The following KCNJ6 variants were observed in gnomAD, a reference collection of about 807,000 sequenced individuals.
The protein encoded by KCNJ6 is potassium inwardly rectifying channel subfamily J member 6.
In KCNJ6, 9 loss-of-function variants were observed where a neutral mutation model predicts 34.2. The observed-to-expected ratio is 0.26, with a 90% confidence interval of 0.16 to 0.46. The LOEUF (loss-of-function observed/expected upper bound fraction) is 0.46. Ranked by LOEUF, KCNJ6 falls within the 20% of genes least tolerant of loss-of-function variation. The pLI, the probability that KCNJ6 is intolerant of heterozygous loss-of-function variation, is 1.00. For missense variants in KCNJ6, 236 were observed against 531.3 expected, an observed-to-expected ratio of 0.44 and a Z score of 5.46; for synonymous variants, 196 against 207.1, an observed-to-expected ratio of 0.95 and a Z score of 0.46.
In KCNJ6 at chr21:37,756,263, C is replaced by G. The variant is rs540362329; in HGVS notation, c.26-41132G>C. 3.3e-5 allele frequency among the ~76,000 whole-genome samples: 5 copies of G among 152,334 alleles called. No homozygotes were observed. The East Asian group carries it at 9.6e-4, about 29-fold the overall frequency. ...GATGCAAATAAAAGAAATAATACCA[C>G]AGATGACCATTCATTCCATGTCAGA... On this transcript the variant is annotated intron_variant, in intron 2 of 3. Transcript: ENST00000609713.
At chr21:37,912,362 T>C (rs753153373) in intron 1 of KCNJ6, among the ~76,000 whole-genome samples, 11 of 152,228 alleles carry the variant, frequency 7.2e-5, no homozygotes, top group Non-Finnish European at 1.3e-4. Context: ...TATGTGAGCA[T>C]GGAAACTACC....
intron 2 of KCNJ6, among the ~76,000 whole-genome samples, chr21:37,797,151 C>G (rs1406365869): frequency 6.6e-6 from 1 of 151,982 alleles, no homozygotes; most frequent in Non-Finnish European, 1.5e-5. Flanking sequence ...CACCTCTCTG[C>G]CCCCTGGGTT....
At chr21:37,896,903 C>T (rs570510010) in intron 1 of KCNJ6, among the ~76,000 whole-genome samples, 1 of 152,286 alleles carries the variant, frequency 6.6e-6, no homozygotes, top group Non-Finnish European at 1.5e-5. Context: ...GGCACCTGAG[C>T]TTCAAAAAGG....
intron 3 of KCNJ6, among the ~76,000 whole-genome samples, chr21:37,644,546 T>C (rs924347689): frequency 2.0e-5 from 3 of 152,126 alleles, no homozygotes; most frequent in Non-Finnish European, 2.9e-5. Flanking sequence ...TGGAAGGAAA[T>C]AGAACGTGTA....
At position 37,812,833 on chromosome 21, in the gene KCNJ6, C is replaced by G. The variant is rs566375947; in HGVS notation, c.25+27825G>C. Among the ~76,000 whole-genome samples, 3 of 152,260 alleles carry G rather than the reference C, an allele frequency of 2.0e-5. No individual in the cohort carries two copies. The South Asian group carries it at 6.2e-4, about 32-fold the overall frequency. ...ATACTGAATGAAGAAAAACTGAAAG[C>G]CTTTCCTCTAAGATCCGGAACAAGA... On this transcript the variant is annotated intron_variant, in intron 2 of 3. Transcript: ENST00000609713.
chr21:37,911,368 C>T (rs1035287680), intron 1 of KCNJ6, among the ~76,000 whole-genome samples: 2 of 152,066 alleles, frequency 1.3e-5, no homozygotes, highest in African/African-American at 4.8e-5. Flanking sequence ...GCCAATTTCC[C>T]CCTTACTGGT....
At position 37,760,479 on chromosome 21, in the gene KCNJ6, G is replaced by A. The variant is rs748736605; in HGVS notation, c.26-45348C>T. Among the ~76,000 whole-genome samples the A allele has an allele frequency of 2.0e-4, 30 of 152,102 alleles. 1 individual carries two copies. Among genetic ancestry groups the A allele is most frequent in the Non-Finnish European group, 3.7e-4 (25 of 68,018 alleles). ...AGTGTCATTTTTCCTGTGAAGCCCCGATTAGGTGGTGGGCAGGCACAGGAT... is the reference window on the plus strand; with the variant it reads ...AGTGTCATTTTTCCTGTGAAGCCCCAATTAGGTGGTGGGCAGGCACAGGAT... On this transcript the variant is annotated intron_variant, in intron 2 of 3. Coordinates refer to ENST00000609713, the MANE Select transcript of KCNJ6 (RefSeq NM_002240.5).
chr21:37,741,631 C>G (rs1356354723), intron 2 of KCNJ6, among the ~76,000 whole-genome samples: 1 of 152,202 alleles, frequency 6.6e-6, no homozygotes, highest in Non-Finnish European at 1.5e-5. Flanking sequence ...TTCTAAGCAT[C>G]CTCATCACCT....
chr21:37,784,215 C>A (rs148317569), intron 2 of KCNJ6, among the ~76,000 whole-genome samples: 1 of 152,150 alleles, frequency 6.6e-6, no homozygotes, highest in Non-Finnish European at 1.5e-5. Flanking sequence ...AATAGGGCAC[C>A]GATTTTTCCA....
intron 2 of KCNJ6, among the ~76,000 whole-genome samples, chr21:37,835,167 G>C (rs1328098454): frequency 3.9e-5 from 6 of 152,208 alleles, no homozygotes; most frequent in Non-Finnish European, 7.3e-5. Flanking sequence ...GACAGCCACA[G>C]GTAGCTCAGG....
intron 3 of KCNJ6, among the ~76,000 whole-genome samples, chr21:37,681,681 T>TA (rs2054591256): frequency 6.6e-6 from 1 of 152,222 alleles, no homozygotes. Context: ...TGAGTGACTT[T>TA]AAAAATCTTT....
At chr21:37,635,328 TC>T (rs2054352631) in intron 3 of KCNJ6, among the ~76,000 whole-genome samples, 1 of 151,712 alleles carries the variant, frequency 6.6e-6, no homozygotes, top group African/African-American at 2.4e-5. Flanking sequence ...AAGAGATCCT[TC>T]CCCCAAGCCT....
In KCNJ6 at chr21:37,618,638, G is replaced by A. The variant is rs181838169; in HGVS notation, c.*6521C>T. On this transcript the variant is annotated 3_prime_UTR_variant, in exon 4 of 4. Transcript: ENST00000609713. ...ATTTCATTCTCTGAAATCAAGATCTGTTTACTATGTGGCCACAATTCTCCG... is the reference window on the plus strand; with the variant it reads ...ATTTCATTCTCTGAAATCAAGATCTATTTACTATGTGGCCACAATTCTCCG... 96 of 152,256 alleles carry A rather than the reference G, an allele frequency of 6.3e-4. No individual in the cohort carries two copies. The highest frequency in any genetic ancestry group is 2.3e-3 in the African/African-American group (95 of 41,554). The allele number at this position is 152,256 out of a possible 1,614,324, so 9.4% of individuals were successfully genotyped here.
intron 2 of KCNJ6, among the ~76,000 whole-genome samples, chr21:37,839,927 T>C (rs987898670): frequency 1.3e-5 from 2 of 152,134 alleles, no homozygotes; most frequent in African/African-American, 4.8e-5. Flanking sequence ...CGAATAGCCA[T>C]AATAGGGATT....
rs548203836 is a variant in KCNJ6, at chr21:37,764,667, C to T, written c.26-49536G>A. Among the ~76,000 whole-genome samples, 119 of 152,316 alleles carry T rather than the reference C, an allele frequency of 7.8e-4. 1 individual carries two copies. Among genetic ancestry groups the T allele is most frequent in the Non-Finnish European group, 1.3e-3 (89 of 68,030 alleles). On this transcript the variant is annotated intron_variant, in intron 2 of 3. Coordinates refer to ENST00000609713, the MANE Select transcript of KCNJ6 (RefSeq NM_002240.5). ...TGCCGGGATTACAGGTGTAAGCCAC[C>T]GAGCTTGGCCAGAAATTTACTTTTT...
chr21:37,629,316 CTGTT>C (rs1046848922), intron 3 of KCNJ6, among the ~76,000 whole-genome samples: 1 of 151,756 alleles, frequency 6.6e-6, no homozygotes, highest in African/African-American at 2.4e-5. Context: ...TGTGGTGGGT[CTGTT>C]TGTTGGGGGA....
At chr21:37,642,842 C>A (rs187011905) in intron 3 of KCNJ6, among the ~76,000 whole-genome samples, 13 of 152,202 alleles carry the variant, frequency 8.5e-5, no homozygotes, top group African/African-American at 3.1e-4. Context: ...AAAAAAGATA[C>A]TTATAACTAA....
At position 37,619,825 on chromosome 21, in the gene KCNJ6, G is replaced by A. The variant is rs2054284683; in HGVS notation, c.*5334C>T. On this transcript the variant is annotated 3_prime_UTR_variant, in exon 4 of 4. Transcript: ENST00000609713. ...CCACTGAAGCAATATTTCAGCGGCT[G>A]GGCTGGGAATGCCCATTTCTCTGTA... 1 of 152,300 alleles carries A rather than the reference G, an allele frequency of 6.6e-6. No individual in the cohort carries two copies. Among genetic ancestry groups the A allele is most frequent in the Non-Finnish European group, 1.5e-5 (1 of 68,048 alleles). 9.4% of individuals were successfully genotyped at this position (152,300 alleles called of 1,614,324 possible).
intron 3 of KCNJ6, among the ~76,000 whole-genome samples, chr21:37,674,298 C>T (rs1357273992): frequency 6.6e-6 from 1 of 152,192 alleles, no homozygotes; most frequent in African/African-American, 2.4e-5. Context: ...TCCCACATCC[C>T]GGAAATCCCT....
Sources: gnomAD v4.1 joint callset for allele counts (sites outside exome capture counted in the v4.1 genomes callset) on GRCh38, gnomAD v4.1.1 for gene constraint, MANE v1.5 for transcripts, NCBI Gene and HGNC (gene_info 2026-07-23, HGNC 2026-07-21) for gene names.